Variants in PTPN4 observed in about 807,000 individuals in gnomAD.
PTPN4 encodes tyrosine-protein phosphatase non-receptor type 4.
A neutral mutation model predicts 135.5 loss-of-function variants in PTPN4; 49 were observed. The observed-to-expected ratio is 0.36, with a 90% CI of 0.29 to 0.46. The LOEUF (loss-of-function observed/expected upper bound fraction) is 0.46, where lower values mean the gene tolerates loss of function less well. PTPN4 is among the 20% of genes least tolerant of loss of function. The pLI is 1.00. For missense variants in PTPN4, 860 were observed against 1,101.0 expected, an observed-to-expected ratio of 0.78 and a Z score of 3.10; for synonymous variants, 333 against 369.9, an observed-to-expected ratio of 0.90 and a Z score of 1.14.
intron 5 of PTPN4, among the ~76,000 whole-genome samples, chr2:119,880,570 C>T (rs966799285): frequency 1.3e-5 from 2 of 151,690 alleles, no homozygotes; most frequent in Admixed American, 6.6e-5. Context: ...GCTGGGACTA[C>T]AGGTGCCTGC....
At chr2:119,817,085 T>TA (rs1240556664) in intron 2 of PTPN4, among the ~76,000 whole-genome samples, 1 of 152,216 alleles carries the variant, frequency 6.6e-6, no homozygotes, top group African/African-American at 2.4e-5. Flanking sequence ...TGTCAACTTT[T>TA]GCTTTTGTTG....
intron 1 of PTPN4, among the ~76,000 whole-genome samples, chr2:119,784,909 A>C (rs985027871): frequency 2.6e-5 from 4 of 151,990 alleles, no homozygotes; most frequent in African/African-American, 7.3e-5. Flanking sequence ...TAGTTTTATC[A>C]GTCTGGGTTC....
intron 14 of PTPN4, among the ~76,000 whole-genome samples, chr2:119,933,482 C>T (rs1678935426): frequency 6.6e-6 from 1 of 151,844 alleles, no homozygotes; most frequent in South Asian, 2.1e-4. Flanking sequence ...AGCTCAAGAC[C>T]AGCCTGGTGA....
chr2:119,876,875 A>G (rs1348487421), intron 3 of PTPN4, among the ~76,000 whole-genome samples: 1 of 147,690 alleles, frequency 6.8e-6, no homozygotes, highest in Non-Finnish European at 1.5e-5. Flanking sequence ...ATTTTGCCTG[A>G]ATGAGTATAA....
chr2:119,861,523 T>C (rs983999205), intron 2 of PTPN4, among the ~76,000 whole-genome samples: 3 of 152,244 alleles, frequency 2.0e-5, no homozygotes, highest in Admixed American at 6.5e-5. Flanking sequence ...TTGCTACTTA[T>C]GTTAAGATGC....
intron 2 of PTPN4, among the ~76,000 whole-genome samples, chr2:119,817,797 G>A (rs955850747): frequency 6.6e-6 from 1 of 152,150 alleles, no homozygotes; most frequent in Admixed American, 6.5e-5. Flanking sequence ...CTATCCATGA[G>A]CATGGAATGT....
At chr2:119,957,152 A>G (rs1029323676) in intron 22 of PTPN4, 75 bp downstream of exon 22, 5 of 1,322,784 alleles carry the variant, frequency 3.8e-6, no homozygotes, top group Non-Finnish European at 5.3e-6. Context: ...TCTTTTTGTT[A>G]AAATCCTGAC....
intron 1 of PTPN4, among the ~76,000 whole-genome samples, chr2:119,800,350 A>C (rs1222260525): frequency 6.6e-6 from 1 of 151,708 alleles, no homozygotes; most frequent in Non-Finnish European, 1.5e-5. Flanking sequence ...CAGATTGAGC[A>C]TCCTTTCATG....
At chr2:119,917,817 A>T (rs1213633912) in intron 11 of PTPN4, among the ~76,000 whole-genome samples, 1 of 152,184 alleles carries the variant, frequency 6.6e-6, no homozygotes, top group Non-Finnish European at 1.5e-5. Flanking sequence ...TCTCTAAAAC[A>T]TCTTTGTTTT....
chr2:119,810,825 A>G (rs1691561839), intron 2 of PTPN4, among the ~76,000 whole-genome samples: 2 of 152,032 alleles, frequency 1.3e-5, no homozygotes, highest in South Asian at 4.1e-4. Flanking sequence ...TTCTCTCTAC[A>G]TGACTTTTTT....
chr2:119,844,192 G>T (rs926012854), intron 2 of PTPN4, among the ~76,000 whole-genome samples: 1 of 123,478 alleles, frequency 8.1e-6, no homozygotes, highest in Admixed American at 7.7e-5. Context: ...GCGGCTGGCC[G>T]GGCAGAGGGG....
intron 26 of PTPN4, 175 bp from the exon 27 acceptor site, chr2:119,976,809 C>G (rs1679624476): frequency 8.5e-7 from 1 of 1,183,162 alleles, no homozygotes; most frequent in Non-Finnish European, 1.1e-6. Flanking sequence ...AATATATTGC[C>G]AAACTGTATT....
chr2:119,911,784 G>A (rs1266153849), intron 10 of PTPN4, among the ~76,000 whole-genome samples: 1 of 152,136 alleles, frequency 6.6e-6, no homozygotes, highest in Non-Finnish European at 1.5e-5. Context: ...TACCATGCAA[G>A]TAGTAAGCAT....
intron 1 of PTPN4, among the ~76,000 whole-genome samples, chr2:119,795,358 C>T (rs966111816): frequency 6.6e-6 from 1 of 152,204 alleles, no homozygotes; most frequent in Admixed American, 6.5e-5. Flanking sequence ...CTCCTGCCAC[C>T]GTTCATGGTG....
At chr2:119,766,472 G>C (rs923719069) in intron 1 of PTPN4, among the ~76,000 whole-genome samples, 2 of 135,948 alleles carry the variant, frequency 1.5e-5, no homozygotes, top group South Asian at 2.2e-4. Context: ...GTGTGTGTGT[G>C]TGTGTGTGTG....
intron 14 of PTPN4, among the ~76,000 whole-genome samples, chr2:119,933,593 A>AG (rs1450069545): frequency 6.6e-6 from 1 of 150,680 alleles, no homozygotes; most frequent in African/African-American, 2.4e-5. Context: ...AGAACCCAGG[A>AG]GGAAGAGGTT....
chr2:119,816,320 G>A (rs13404742), intron 2 of PTPN4, among the ~76,000 whole-genome samples: 5,588 of 152,222 alleles, frequency 0.037, 350 homozygotes, highest in African/African-American at 0.12. Context: ...AGGAGGCTGC[G>A]GTGGAAGGAT....
At chr2:119,792,901 G>A (rs1354715760) in intron 1 of PTPN4, among the ~76,000 whole-genome samples, 1 of 152,214 alleles carries the variant, frequency 6.6e-6, no homozygotes, top group Non-Finnish European at 1.5e-5. Flanking sequence ...TGAATAGGGT[G>A]TGGGTCACAG....
chr2:119,845,411 G>A (rs1677481976), intron 2 of PTPN4, among the ~76,000 whole-genome samples: 1 of 152,030 alleles, frequency 6.6e-6, no homozygotes, highest in African/African-American at 2.4e-5. Context: ...ACTTATGATA[G>A]GTATATTTAA....
Sources: allele counts gnomAD v4.1 joint callset (sites outside exome capture counted in the v4.1 genomes callset), GRCh38; gene constraint gnomAD v4.1.1; transcripts MANE v1.5; gene names NCBI Gene and HGNC (gene_info 2026-07-23, HGNC 2026-07-21).